The following DOCK9 variants were observed in gnomAD, a reference collection of about 807,000 sequenced individuals.
DOCK9 encodes the protein dedicator of cytokinesis protein 9.
In DOCK9, 89 loss-of-function variants were observed where a neutral mutation model predicts 263.3. The ratio of observed to expected loss-of-function variants is 0.34; its 90% CI spans 0.28 to 0.40. The LOEUF (loss-of-function observed/expected upper bound fraction) is 0.40. Ranked by LOEUF, DOCK9 falls within the 10% of genes least tolerant of loss-of-function variation. The pLI is 1.00. For synonymous variants in DOCK9, 976 were observed against 973.1 expected (o/e 1.00, Z -0.06); for missense variants, 2,140 against 2,603.4 (o/e 0.82, Z 3.87).
At chr13:98,883,677 T>C in intron 22 of DOCK9, 136 bp downstream of exon 22, 2 of 575,442 alleles carry the variant, frequency 3.5e-6, no homozygotes, top group Admixed American at 7.0e-5. Context: ...ACTTCAGTTG[T>C]ACTTTCTTTC....
chr13:99,003,851 A>T (rs1882834248), intron 1 of DOCK9, among the ~76,000 whole-genome samples: 2 of 152,196 alleles, frequency 1.3e-5, no homozygotes, highest in South Asian at 4.1e-4. Flanking sequence ...GAGATTCATT[A>T]AAAACATGAA....
At chr13:98,814,827 G>C (rs1319264314) in intron 45 of DOCK9, among the ~76,000 whole-genome samples, 1 of 151,968 alleles carries the variant, frequency 6.6e-6, no homozygotes, top group African/African-American at 2.4e-5. Flanking sequence ...TGTAGTCCCA[G>C]GTACTTGGGA....
chr13:98,971,680 C>T (rs1435920955), intron 1 of DOCK9, among the ~76,000 whole-genome samples: 2 of 152,090 alleles, frequency 1.3e-5, no homozygotes, highest in African/African-American at 4.8e-5. Flanking sequence ...TGCACTCCAG[C>T]CTGGGTGACA....
At chr13:98,873,086 C>T (rs1045545273) in intron 27 of DOCK9, among the ~76,000 whole-genome samples, 4 of 151,690 alleles carry the variant, frequency 2.6e-5, no homozygotes, top group Non-Finnish European at 5.9e-5. Flanking sequence ...GCCCAAGACG[C>T]TTCCTTCCTT....
intron 1 of DOCK9, chr13:99,015,512 CATT>C (rs777335642): frequency 1.3e-6 from 2 of 1,598,218 alleles, no homozygotes; most frequent in Non-Finnish European, 1.7e-6. Context: ...TATTCAAGGG[CATT>C]ATTCTCTCCT....
intron 27 of DOCK9, among the ~76,000 whole-genome samples, chr13:98,869,346 T>C (rs1468116495): frequency 6.6e-6 from 1 of 152,220 alleles, no homozygotes; most frequent in Admixed American, 6.5e-5. Flanking sequence ...AGTTTAATCC[T>C]CATTTGTTAA....
chr13:98,969,843 C>T (rs2059561951), intron 1 of DOCK9, among the ~76,000 whole-genome samples: 1 of 152,178 alleles, frequency 6.6e-6, no homozygotes, highest in Non-Finnish European at 1.5e-5. Flanking sequence ...GGGGTCAGGG[C>T]ACATTTTGGA....
intron 1 of DOCK9, among the ~76,000 whole-genome samples, chr13:98,970,816 T>C (rs189939770): frequency 1.8e-4 from 28 of 152,306 alleles, no homozygotes; most frequent in African/African-American, 6.5e-4. Flanking sequence ...AGTCATATGC[T>C]ATCTGTAGGC....
intron 1 of DOCK9, among the ~76,000 whole-genome samples, chr13:98,976,572 C>CA (rs1479590746): frequency 6.6e-6 from 1 of 152,194 alleles, no homozygotes; most frequent in Non-Finnish European, 1.5e-5. Flanking sequence ...CAGTGAAATC[C>CA]ATACAGCCTG....
At chr13:98,823,121 AT>A (rs1318057318) in intron 45 of DOCK9, among the ~76,000 whole-genome samples, 12 of 147,176 alleles carry the variant, frequency 8.2e-5, no homozygotes, top group Admixed American at 4.8e-4. Context: ...AAAAAAGGAT[AT>A]TTTTTCCAAA....
intron 1 of DOCK9, among the ~76,000 whole-genome samples, chr13:99,030,051 A>G (rs758957912): frequency 5.6e-4 from 86 of 152,270 alleles, no homozygotes; most frequent in Non-Finnish European, 7.2e-4. Context: ...GATTCCATTT[A>G]TATAAAATGT....
intron 47 of DOCK9, among the ~76,000 whole-genome samples, chr13:98,808,440 T>G (rs2140189339): frequency 6.6e-6 from 1 of 152,206 alleles, no homozygotes; most frequent in East Asian, 1.9e-4. Context: ...AGGTTGAAAA[T>G]TAAAAAGTCC....
chr13:98,824,941 C>T (rs1483416966), intron 44 of DOCK9, among the ~76,000 whole-genome samples: 1 of 152,206 alleles, frequency 6.6e-6, no homozygotes, highest in African/African-American at 2.4e-5. Context: ...TCACCTCACC[C>T]ACTCTGGCCA....
intron 1 of DOCK9, among the ~76,000 whole-genome samples, chr13:98,972,268 T>C (rs2059811668): frequency 6.6e-6 from 1 of 152,192 alleles, no homozygotes; most frequent in Non-Finnish European, 1.5e-5. Flanking sequence ...ATATAAGTAG[T>C]GGCTATTTTT....
chr13:98,990,296 A>T (rs138543346), intron 1 of DOCK9, among the ~76,000 whole-genome samples: 41 of 152,330 alleles, frequency 2.7e-4, no homozygotes, highest in African/African-American at 9.4e-4. Context: ...AGTGTTACAG[A>T]CTTAATGTAC....
In DOCK9 at chr13:98,829,914, G is replaced by A. The variant is rs915767424; in HGVS notation, c.4636-158C>T. ...CTCCGTGTAGGAAACAATGTCTGAG[G>A]TATTTTCTTCCCCTTTAAGAATAAT... On this transcript the variant is annotated intron_variant, in intron 41 of 52. Transcript: ENST00000682017. The surrounding 1 kb of genome is among the most constrained non-coding windows in gnomAD (Gnocchi z 4.1). 3.3e-5 allele frequency among the ~76,000 whole-genome samples: 5 copies of A among 152,126 alleles called. No homozygotes were observed. Among genetic ancestry groups the A allele is most frequent in the African/African-American group, 7.2e-5 (3 of 41,406 alleles).
intron 1 of DOCK9, among the ~76,000 whole-genome samples, chr13:98,994,331 G>A (rs979080661): frequency 1.3e-5 from 2 of 152,204 alleles, no homozygotes; most frequent in African/African-American, 4.8e-5. Context: ...AGGGAATGTG[G>A]CACTATCTGG....
intron 4 of DOCK9, among the ~76,000 whole-genome samples, chr13:98,925,118 C>T (rs549952928): frequency 2.6e-5 from 4 of 152,036 alleles, no homozygotes; most frequent in Admixed American, 1.3e-4. Context: ...GAGCAGAGAT[C>T]GTGTCATTGT....
chr13:98,915,646 G>GCC lies in DOCK9; in HGVS notation c.718-145_718-144dup, dbSNP rs143301762. 2.4e-3 allele frequency: 1,445 copies of GCC among 614,098 alleles called. 1 individual carries two copies. The highest frequency in any genetic ancestry group is 9.1e-3 in the East Asian group (273 of 30,086). The allele number at this position is 614,098 out of a possible 1,614,324, so 38.0% of individuals were successfully genotyped here. A position where few individuals can be genotyped will look rare whatever the true frequency, so the allele number is the denominator to read the frequency against. On this transcript the variant is annotated intron_variant, in intron 7 of 52. Transcript: ENST00000682017. ...AATAGCTTGCCCCCTCCTCATGAAAGCCCCCCCCCATGAAATCCCATTACC... is the reference window on the plus strand; with the variant it reads ...AATAGCTTGCCCCCTCCTCATGAAAGCCCCCCCCCCCATGAAATCCCATTACC...
Sources: allele counts gnomAD v4.1 joint callset (sites outside exome capture counted in the v4.1 genomes callset), GRCh38; gene constraint gnomAD v4.1.1; non-coding constraint Gnocchi (gnomAD v3.1); transcripts MANE v1.5; gene names NCBI Gene and HGNC (gene_info 2026-07-23, HGNC 2026-07-21).